The following TMEM98 variants were observed in gnomAD, a reference collection of about 807,000 sequenced individuals.
TMEM98 encodes the protein transmembrane protein 98.
In TMEM98, 18 loss-of-function variants were observed where a neutral mutation model predicts 25.0. That is an observed-to-expected ratio of 0.72 (90% confidence interval 0.50 to 1.07). TMEM98 has a LOEUF of 1.07. Among genes scored for constraint, TMEM98 ranks in the 50% least tolerant of loss-of-function variants. TMEM98 has a pLI of 0.00. For synonymous variants in TMEM98, 103 were observed against 112.4 expected (o/e 0.92, Z 0.53); for missense variants, 241 against 289.0 (o/e 0.83, Z 1.20).
At chr17:32,930,629 T>A (rs1158890898) in intron 1 of TMEM98, among the ~76,000 whole-genome samples, 4 of 152,210 alleles carry the variant, frequency 2.6e-5, no homozygotes, top group Admixed American at 6.5e-5. Context: ...TGAATGTCCA[T>A]CTCAGTGTAA....
intron 1 of TMEM98, chr17:32,930,961 G>C (rs1238618451): frequency 6.6e-6 from 1 of 152,326 alleles, no homozygotes; most frequent in East Asian, 1.9e-4. Flanking sequence ...CAGCACTTTG[G>C]GAGGCCCGAG....
chr17:32,929,981 A>G lies in TMEM98; in HGVS notation c.-130-1346A>G, dbSNP rs1009424925. 3.9e-5 allele frequency among the ~76,000 whole-genome samples: 6 copies of G among 152,020 alleles called. No homozygotes were observed. The East Asian group carries it at 5.8e-4, about 15-fold the overall frequency. ...AGGGTCTCTGTCCTATCTATCTCCAATCTCCAGTGCATGATGCATAGTAGA... is the reference window on the plus strand; with the variant it reads ...AGGGTCTCTGTCCTATCTATCTCCAGTCTCCAGTGCATGATGCATAGTAGA... On this transcript the variant is annotated intron_variant, in intron 1 of 7. Coordinates refer to ENST00000579849, the MANE Select transcript of TMEM98 (RefSeq NM_015544.3).
At chr17:32,940,670 C>G (rs1175614074) in intron 7 of TMEM98, 116 bp from the exon 8 acceptor site, 3 of 980,672 alleles carry the variant, frequency 3.1e-6, no homozygotes, top group Non-Finnish European at 4.6e-6. Flanking sequence ...CTACCAACAT[C>G]CTAGGGAAGG....
At chr17:32,932,081 C>G (rs904173435) in intron 3 of TMEM98, among the ~76,000 whole-genome samples, 1 of 148,832 alleles carries the variant, frequency 6.7e-6, no homozygotes, top group African/African-American at 2.5e-5. Context: ...CTGTTTCTCT[C>G]TTTGCACAGC....
Position 32,941,411 on chromosome 17 carries a change from A to G in TMEM98, c.*418A>G, listed in dbSNP as rs11851. ...CTGCATTTTCAGAAGAGGACAATCAATTGAAACTAAGTAGGGGTTTCTTCT... is the reference window on the plus strand; with the variant it reads ...CTGCATTTTCAGAAGAGGACAATCAGTTGAAACTAAGTAGGGGTTTCTTCT... On this transcript the variant is annotated 3_prime_UTR_variant, in exon 8 of 8. Transcript: ENST00000579849. The G allele has an allele frequency of 0.1, 16,176 of 158,042 alleles. 1,624 individuals are homozygous for G. The highest frequency in any genetic ancestry group is 0.26 in the African/African-American group (10,757 of 41,526). 9.8% of individuals were successfully genotyped at this position (158,042 alleles called of 1,614,324 possible).
intron 6 of TMEM98, among the ~76,000 whole-genome samples, chr17:32,938,494 G>T (rs965264989): frequency 6.6e-6 from 1 of 152,086 alleles, no homozygotes; most frequent in Admixed American, 6.5e-5. Flanking sequence ...GAGTGTTCAT[G>T]AGCAAAGATT....
rs9772 is a variant in TMEM98, at chr17:32,941,360, C to A, written c.*367C>A. 1.0e-4 allele frequency: 18 copies of A among 171,898 alleles called. No homozygotes were observed. In the East Asian group the frequency reaches 2.9e-3, roughly 28 times the overall value. The allele number at this position is 171,898 out of a possible 1,614,324, so 10.6% of individuals were successfully genotyped here. A position where few individuals can be genotyped will look rare whatever the true frequency, so the allele number is the denominator to read the frequency against. On this transcript the variant is annotated 3_prime_UTR_variant, in exon 8 of 8. Transcript: ENST00000579849. ...ATTAGAATTTCTGGCCTCTCTCGAT[C>A]GGTCAGAATGTGTGGCAATTCTGAT...
intron 1 of TMEM98, among the ~76,000 whole-genome samples, chr17:32,930,712 C>A (rs910194528): frequency 4.9e-5 from 6 of 123,690 alleles, no homozygotes; most frequent in Admixed American, 2.4e-4. Context: ...GTTTCCTCAA[C>A]TGTAAAATGG....
chr17:32,929,017 TCACA>T (rs923619272), intron 1 of TMEM98, among the ~76,000 whole-genome samples: 8 of 147,520 alleles, frequency 5.4e-5, no homozygotes, highest in East Asian at 4.0e-4. Flanking sequence ...CACACTCAGC[TCACA>T]CACACAAGCA....
chr17:32,933,176 C>G lies in TMEM98; in HGVS notation c.134C>G (p.Pro45Arg). 2 of 1,614,032 alleles carry G rather than the reference C, an allele frequency of 1.2e-6. No individual in the cohort carries two copies. The highest frequency in any genetic ancestry group is 1.7e-6 in the Non-Finnish European group (2 of 1,179,992). Reference protein sequence around the residue: ...RDLLQRYDSKPIVDLIGAMET... With the variant: ...RDLLQRYDSKRIVDLIGAMET... ...TTAACGGGGGCCTTTTCTTCCAGGC[C>G]CATTGTGGACCTCATTGGTGCCATG... The change falls in exon 4 of 8, where the codon CCC becomes CGC. Residue 45 changes from proline (P) to arginine (R), a missense_variant and splice_region_variant. By Grantham distance (103) the Pro-to-Arg change is moderately radical. Transcript: ENST00000579849.
chr17:32,944,098 T>G lies in TMEM98; in HGVS notation c.*3105T>G, dbSNP rs895043974. 2 of 152,330 alleles carry G rather than the reference T, an allele frequency of 1.3e-5. No individual in the cohort carries two copies. The highest frequency in any genetic ancestry group is 2.9e-5 in the Non-Finnish European group (2 of 68,112). 9.4% of individuals were successfully genotyped at this position (152,330 alleles called of 1,614,324 possible). On this transcript the variant is annotated 3_prime_UTR_variant, in exon 8 of 8. Transcript: ENST00000579849. ...ATCTCCAAGAGGGAACACGTATTCC[T>G]GGCATCCAACTTCCCCTGGTGCTCC...
chr17:32,936,004 G>A (rs1415801259), intron 5 of TMEM98, among the ~76,000 whole-genome samples: 4 of 152,168 alleles, frequency 2.6e-5, no homozygotes. Flanking sequence ...TGAAGGAATA[G>A]AAAAAGAAAG....
At chr17:32,930,015 A>G (rs1451600434) in intron 1 of TMEM98, among the ~76,000 whole-genome samples, 2 of 152,254 alleles carry the variant, frequency 1.3e-5, no homozygotes, top group South Asian at 4.2e-4. Context: ...GATGATCAAT[A>G]AATACTTAGT....
chr17:32,932,579 G>A (rs1486424057), intron 3 of TMEM98, among the ~76,000 whole-genome samples: 1 of 152,094 alleles, frequency 6.6e-6, no homozygotes, highest in Non-Finnish European at 1.5e-5. Context: ...ATTTATAAAT[G>A]CCCATTTATA....
At chr17:32,930,622 A>T (rs528019750) in intron 1 of TMEM98, among the ~76,000 whole-genome samples, 1 of 152,232 alleles carries the variant, frequency 6.6e-6, no homozygotes, top group Non-Finnish European at 1.5e-5. Flanking sequence ...AGTAGAGTGA[A>T]TGTCCATCTC....
intron 6 of TMEM98, among the ~76,000 whole-genome samples, chr17:32,937,665 A>G (rs979351016): frequency 1.1e-4 from 16 of 152,202 alleles, no homozygotes; most frequent in Middle Eastern, 6.8e-3. Context: ...ATCTTGGCTC[A>G]CTACAACCCC....
chr17:32,931,728 G>A (rs1444805136), intron 3 of TMEM98, 69 bp downstream of exon 3: 1 of 1,540,732 alleles, frequency 6.5e-7, no homozygotes, highest in Admixed American at 2.0e-5. Flanking sequence ...GGAACACGTA[G>A]TTCAGTGTTG....
intron 1 of TMEM98, among the ~76,000 whole-genome samples, chr17:32,929,354 A>C (rs1191169275): frequency 6.6e-6 from 1 of 152,154 alleles, no homozygotes; most frequent in African/African-American, 2.4e-5. Flanking sequence ...AACACTCAGA[A>C]CGCACAGGAA....
In TMEM98 at chr17:32,941,208, G is replaced by A. The variant is rs1598205627; in HGVS notation, c.*215G>A. 2.1e-6 allele frequency: 1 copy of A among 481,322 alleles called. No homozygotes were observed. The highest frequency in any genetic ancestry group is 3.2e-5 in the South Asian group (1 of 31,264). The allele number at this position is 481,322 out of a possible 1,614,324, so 29.8% of individuals were successfully genotyped here. ...GTGGCAGTCTAATACTACAGTTAGG[G>A]GAGATGCCATTCACTCTCTGCAAGA... is the stretch of plus-strand genomic sequence containing the variant. On this transcript the variant is annotated 3_prime_UTR_variant, in exon 8 of 8. Coordinates refer to ENST00000579849, the MANE Select transcript of TMEM98 (RefSeq NM_015544.3).
Sources: allele counts gnomAD v4.1 joint callset (sites outside exome capture counted in the v4.1 genomes callset), GRCh38; gene constraint gnomAD v4.1.1; transcripts MANE v1.5; gene names NCBI Gene and HGNC (gene_info 2026-07-23, HGNC 2026-07-21).